Variants in LRP1B observed in about 807,000 individuals in gnomAD.
The protein encoded by LRP1B is low-density lipoprotein receptor-related protein 1B.
Under a neutral mutation model 556.6 loss-of-function variants are expected in LRP1B, and 217 were observed. The ratio of observed to expected loss-of-function variants is 0.39; its 90% confidence interval spans 0.35 to 0.44. LRP1B has a LOEUF of 0.44. Among genes scored for constraint, LRP1B ranks in the 20% least tolerant of loss-of-function variants. LRP1B has a pLI of 1.00. For missense variants in LRP1B, 5,053 were observed against 5,620.8 expected, an observed-to-expected ratio of 0.90 and a Z score of 3.23; for synonymous variants, 2,047 against 1,865.8, an observed-to-expected ratio of 1.10 and a Z score of -2.50.
chr2:141,277,847 G>A (rs1685361850), intron 3 of LRP1B, among the ~76,000 whole-genome samples: 1 of 151,854 alleles, frequency 6.6e-6, no homozygotes, highest in East Asian at 1.9e-4. Flanking sequence ...TTAATCACAA[G>A]TGCTACCCAA....
intron 18 of LRP1B, among the ~76,000 whole-genome samples, chr2:140,961,261 C>A (rs1696024593): frequency 6.6e-6 from 1 of 152,074 alleles, no homozygotes; most frequent in East Asian, 1.9e-4. Flanking sequence ...ATCAATCTAT[C>A]CTTCTATTTG....
At chr2:140,789,602 G>A (rs1690034470) in intron 32 of LRP1B, among the ~76,000 whole-genome samples, 1 of 140,964 alleles carries the variant, frequency 7.1e-6, no homozygotes, top group Admixed American at 7.2e-5. Flanking sequence ...TGCCAAGCAC[G>A]ATCTAGCTTT....
At chr2:142,025,839 T>A (rs1244336475) in intron 1 of LRP1B, among the ~76,000 whole-genome samples, 1 of 152,154 alleles carries the variant, frequency 6.6e-6, no homozygotes, top group African/African-American at 2.4e-5. Context: ...TGGTGAGGAA[T>A]GCGCTCCATG....
intron 14 of LRP1B, among the ~76,000 whole-genome samples, chr2:141,008,257 A>G (rs1314955551): frequency 2.6e-5 from 4 of 151,482 alleles, no homozygotes; most frequent in African/African-American, 9.7e-5. Flanking sequence ...GTTACTTTAC[A>G]TATACATTAT....
chr2:140,926,258 T>C (rs935522068), intron 20 of LRP1B, among the ~76,000 whole-genome samples: 2 of 152,114 alleles, frequency 1.3e-5, no homozygotes, highest in Non-Finnish European at 2.9e-5. Context: ...ACATCATTAA[T>C]GTGTAACTCC....
At chr2:141,770,658 C>G (rs935303882) in intron 2 of LRP1B, among the ~76,000 whole-genome samples, 2 of 152,172 alleles carry the variant, frequency 1.3e-5, no homozygotes, top group Non-Finnish European at 2.9e-5. Flanking sequence ...TTTCAACAAC[C>G]ATCACCCTCC....
intron 11 of LRP1B, among the ~76,000 whole-genome samples, chr2:141,035,391 AT>A (rs1296029322): frequency 6.6e-6 from 1 of 152,002 alleles, no homozygotes; most frequent in African/African-American, 2.4e-5. Context: ...TCTTTTCAGT[AT>A]TGTTATAGAG....
intron 2 of LRP1B, among the ~76,000 whole-genome samples, chr2:141,532,317 GAACTTAAATAAATT>G (rs67348693): frequency 0.34 from 51,734 of 151,340 alleles, 9,782 homozygotes; most frequent in Non-Finnish European, 0.43. Flanking sequence ...TACATTGTAT[GAACTTAAATAAATT>G]CTGTTGCTCT....
rs550303265 is a variant in LRP1B at position 141,646,873 on chromosome 2, G to A, written c.205+163406C>T. Among the ~76,000 whole-genome samples the A allele has an allele frequency of 1.6e-4, 25 of 152,266 alleles. No homozygotes were observed. In the South Asian group the frequency reaches 3.1e-3, roughly 19 times the overall value. ...GTATACACTAGTGAATGATCATGCC[G>A]TGGAGACTAGAGTCAGTCAAGGGGG... On this transcript the variant is annotated intron_variant, in intron 2 of 90. Coordinates refer to ENST00000389484, the MANE Select transcript of LRP1B (RefSeq NM_018557.3).
intron 43 of LRP1B, among the ~76,000 whole-genome samples, chr2:140,573,234 A>G (rs1358688310): frequency 1.3e-5 from 2 of 151,892 alleles, no homozygotes; most frequent in Admixed American, 1.3e-4. Flanking sequence ...TCAAAAAATC[A>G]CACTGTATAC....
intron 84 of LRP1B, among the ~76,000 whole-genome samples, chr2:140,281,329 C>T (rs1041753190): frequency 6.6e-6 from 1 of 151,798 alleles, no homozygotes; most frequent in Non-Finnish European, 1.5e-5. Flanking sequence ...AAAGTAATTG[C>T]CAAAACTATT....
At chr2:141,236,022 A>C (rs924267914) in intron 5 of LRP1B, among the ~76,000 whole-genome samples, 32 of 152,246 alleles carry the variant, frequency 2.1e-4, no homozygotes, top group Admixed American at 1.5e-3. Context: ...ACTATGCTTT[A>C]AGAAGATCAA....
At chr2:141,761,540 A>G (rs7557907) in intron 2 of LRP1B, among the ~76,000 whole-genome samples, 10,474 of 152,226 alleles carry the variant, frequency 0.069, 1,128 homozygotes, top group African/African-American at 0.23. Flanking sequence ...ATAATGATAC[A>G]AAGGAAAAGC....
intron 35 of LRP1B, among the ~76,000 whole-genome samples, chr2:140,747,612 T>C (rs1183991681): frequency 6.6e-6 from 1 of 152,174 alleles, no homozygotes; most frequent in Non-Finnish European, 1.5e-5. Flanking sequence ...ATGGGAGTTA[T>C]CGGTGTAGTC....
rs1704711100 is a variant in LRP1B at position 142,057,261 on chromosome 2, G to A, written c.82+73387C>T. On this transcript the variant is annotated intron_variant, in intron 1 of 90. Coordinates refer to ENST00000389484, the MANE Select transcript of LRP1B (RefSeq NM_018557.3). ...AGGTATGATATAGAAAGCCTGAATG[G>A]AAATAACCATTTCTTGTTTCATTTA... 2.0e-5 allele frequency among the ~76,000 whole-genome samples: 3 copies of A among 152,072 alleles called. No individual in the cohort carries two copies. In the South Asian group the frequency reaches 6.2e-4, roughly 32 times the overall value.
chr2:141,794,016 CAAT>C (rs1695716120), intron 2 of LRP1B, among the ~76,000 whole-genome samples: 1 of 151,720 alleles, frequency 6.6e-6, no homozygotes, highest in African/African-American at 2.4e-5. Context: ...AATTTAAAAA[CAAT>C]AAAATGCATT....
intron 1 of LRP1B, among the ~76,000 whole-genome samples, chr2:141,877,517 G>A (rs1316318480): frequency 6.6e-6 from 1 of 151,986 alleles, no homozygotes. Context: ...AGAAAGTTCT[G>A]AGACTCAAAG....
intron 79 of LRP1B, among the ~76,000 whole-genome samples, chr2:140,330,042 A>C (rs1008670728): frequency 1.3e-5 from 2 of 151,720 alleles, no homozygotes; most frequent in Non-Finnish European, 2.9e-5. Context: ...TCTGCTAAAA[A>C]TACAAAAATT....
intron 80 of LRP1B, among the ~76,000 whole-genome samples, 177 bp downstream of exon 80, chr2:140,325,585 T>C (rs878887133): frequency 6.6e-6 from 1 of 152,116 alleles, no homozygotes; most frequent in Admixed American, 6.6e-5. Flanking sequence ...TGCCCTGGCC[T>C]CTATTTTTTT....
Sources: allele counts gnomAD v4.1 joint callset (sites outside exome capture counted in the v4.1 genomes callset), GRCh38; gene constraint gnomAD v4.1.1; transcripts MANE v1.5; gene names NCBI Gene and HGNC (gene_info 2026-07-23, HGNC 2026-07-21).